Variants in CUL4B observed in about 807,000 individuals in gnomAD.
The protein encoded by CUL4B is cullin-4B.
A neutral mutation model predicts 69.2 loss-of-function variants in CUL4B; 1 was observed. That is an observed-to-expected ratio of 0.01 (90% CI 0.01 to 0.07). The LOEUF is 0.07. CUL4B is among the 10% of genes least tolerant of loss of function. The pLI is 1.00. For missense variants in CUL4B, 328 were observed against 638.8 expected (o/e 0.51, Z 5.24); for synonymous variants, 237 against 223.2 (o/e 1.06, Z -0.55).
upstream of CUL4B, chrX:120,561,050 G>A (rs1925270907): frequency 5.1e-6 from 5 of 985,835 alleles, no homozygotes; most frequent in South Asian, 2.9e-5. Context: ...GAAAGAACCA[G>A]GGCTTGTTAT....
intron 4 of CUL4B, 140 bp downstream of exon 4, chrX:120,546,407 A>G: frequency 2.3e-6 from 1 of 434,152 alleles, no homozygotes; most frequent in South Asian, 4.3e-5. Flanking sequence ...TTTTAAAAAA[A>G]GAAAAAAAAA....
At chrX:120,564,964 G>A, upstream of CUL4B, among the ~76,000 whole-genome samples, 1 of 112,240 alleles carries the variant, frequency 8.9e-6, no homozygotes, top group Non-Finnish European at 1.9e-5. Context: ...GTTATTATTG[G>A]CCACCTTTAA....
Position 120,546,100 on chromosome X carries a change from T to TAA in CUL4B, c.846+445_846+446dup, listed in dbSNP as rs1448346672. Among the ~76,000 whole-genome samples, 5 of 111,523 alleles carry TAA rather than the reference T, an allele frequency of 4.5e-5. No homozygotes were observed. In the East Asian group the frequency reaches 1.4e-3, roughly 31 times the overall value. ...ATGAATGAGATAAATACATTTTTGG[T>TAA]AAGTGTGACAAAAATAAAAATGAAC... On this transcript the variant is annotated intron_variant, in intron 4 of 19. Coordinates refer to ENST00000371322, the MANE Select transcript of CUL4B (RefSeq NM_001079872.2).
intron 2 of CUL4B, among the ~76,000 whole-genome samples, chrX:120,547,990 T>G (rs1011540926): frequency 3.6e-5 from 4 of 110,742 alleles, no homozygotes; most frequent in Middle Eastern, 4.3e-3. Context: ...TGGGACCTTG[T>G]GATCGTGTAA....
At chrX:120,570,333 G>A (rs377105937), downstream of CUL4B, among the ~76,000 whole-genome samples, 60 of 112,257 alleles carry the variant, frequency 5.3e-4, no homozygotes, top group East Asian at 8.0e-3. Context: ...CTACAGCAGG[G>A]TTTGGAAACC....
chrX:120,530,124 T>C lies in CUL4B; in HGVS notation c.2570A>G (p.Asn857Ser), dbSNP rs1156304104. 2.5e-6 allele frequency: 3 copies of C among 1,210,719 alleles called. No individual in the cohort carries two copies. Among genetic ancestry groups the C allele is most frequent in the Non-Finnish European group, 3.4e-6 (3 of 894,672 alleles). Residue 857 changes from asparagine (N) to serine (S), a missense_variant, in exon 19 of 20, where the codon AAC becomes AGC. This residue lies in a region of CUL4B where 98 missense variants were observed against 296.8 expected (regional missense o/e 0.33). Coordinates refer to ENST00000371322, the MANE Select transcript of CUL4B (RefSeq NM_001079872.2). ...TACCTTTACTGGAAATTTCAACTGG[T>C]TGTACACTTCTGAAACAAGGAGATT... ...SHNLLVSEVY[N>S]QLKFPVKPAD...
At chrX:120,566,346 TATATATA>T (rs1925519839), upstream of CUL4B, among the ~76,000 whole-genome samples, 1 of 6,514 alleles carries the variant, frequency 1.5e-4, no homozygotes, top group Non-Finnish European at 5.3e-4. Context: ...TGTGTATAGG[TATATATA>T]TATATATATA....
chrX:120,556,584 A>C (rs1470151258), intron 2 of CUL4B, among the ~76,000 whole-genome samples: 1 of 110,707 alleles, frequency 9.0e-6, no homozygotes, highest in Non-Finnish European at 1.9e-5. Flanking sequence ...TCATGCCTGT[A>C]ATCTCAGCAC....
At position 120,536,895 on chromosome X, in the gene CUL4B, C is replaced by T. The variant is rs374402463; in HGVS notation, c.2046+32G>A. ...AAATGGAAATGCTATGATTTCTATGCCTATAACTCAGTTCTAAACAGTAAC... is the reference window on the plus strand; with the variant it reads ...AAATGGAAATGCTATGATTTCTATGTCTATAACTCAGTTCTAAACAGTAAC... On this transcript the variant is annotated intron_variant, in intron 15 of 19. Transcript: ENST00000371322. The T allele has an allele frequency of 3.4e-5, 33 of 959,695 alleles. No homozygotes were observed. In the African/African-American group the frequency reaches 6.1e-4, roughly 18 times the overall value. The allele number at this position is 959,695 out of a possible 1,213,427, so 79.1% of individuals were successfully genotyped here.
intron 2 of CUL4B, among the ~76,000 whole-genome samples, chrX:120,553,583 C>T (rs1203693397): frequency 4.5e-5 from 5 of 111,393 alleles, no homozygotes; most frequent in Non-Finnish European, 7.5e-5. Flanking sequence ...AAACTTCCAG[C>T]ATCTCCAAAA....
rs1428257341 is a variant in CUL4B at position 120,538,507 on chromosome X, A to G, written c.1852+153T>C. On this transcript the variant is annotated intron_variant, in intron 13 of 19. Transcript: ENST00000371322. ...AAAACAACTCTGGATATTATGTACAATAAGTTGGAAACCTCAGGAGCTTGC... is the reference window on the plus strand; with the variant it reads ...AAAACAACTCTGGATATTATGTACAGTAAGTTGGAAACCTCAGGAGCTTGC... 11 of 463,631 alleles carry G rather than the reference A, an allele frequency of 2.4e-5. 1 individual carries two copies. Among genetic ancestry groups the G allele is most frequent in the South Asian group, 3.4e-5 (1 of 29,631 alleles). The allele number at this position is 463,631 out of a possible 1,213,427, so 38.2% of individuals were successfully genotyped here.
rs1925225348 is a variant in CUL4B, at chrX:120,560,528, C to T, written c.111G>A (p.Lys37=). The change falls in exon 1 of 20, where the codon AAG becomes AAA. Residue 37 remains lysine (K), a synonymous_variant. Transcript: ENST00000371322. ...NTSTTPPTSA[K]KRKLNSSSSS... The stretch of plus-strand genomic sequence containing the variant: ...TGCTGCTGCTGTTTAACTTTCTCTT[C>T]TTGGCAGAGGTGGGCGGAGTGGTGC... 1 of 1,209,762 alleles carries T rather than the reference C, an allele frequency of 8.3e-7. No individual in the cohort carries two copies. Among genetic ancestry groups the T allele is most frequent in the East Asian group, 3.0e-5 (1 of 33,800 alleles).
chrX:120,532,651 C>G, intron 17 of CUL4B, 57 bp from the exon 18 acceptor site: 1 of 983,252 alleles, frequency 1.0e-6, no homozygotes, highest in South Asian at 1.9e-5. Context: ...CTACGACATT[C>G]TACCTCAATC....
intron 9 of CUL4B, 35 bp from the exon 10 acceptor site, chrX:120,541,755 T>G (rs373993537): frequency 4.1e-5 from 36 of 879,110 alleles, no homozygotes; most frequent in Non-Finnish European, 5.9e-5. Context: ...TAAAATATAG[T>G]GAACAAAAAA....
intron 3 of CUL4B, 76 bp downstream of exon 3, chrX:120,547,060 G>T: frequency 1.5e-6 from 1 of 662,557 alleles, no homozygotes; most frequent in Non-Finnish European, 2.5e-6. Context: ...TCTACTTCAA[G>T]CTGGGTTAAA....
intron 2 of CUL4B, among the ~76,000 whole-genome samples, chrX:120,573,244 G>A (rs913923010): frequency 6.3e-5 from 7 of 110,360 alleles, no homozygotes; most frequent in East Asian, 5.7e-4. Context: ...TGCTTTTTTC[G>A]CTTAATATAT....
In CUL4B at chrX:120,541,646, C is replaced by A; in HGVS notation, c.1399G>T (p.Gly467Cys). 8.3e-7 allele frequency: 1 copy of A among 1,209,286 alleles called. No individual in the cohort carries two copies. The change falls in exon 10 of 20, where the codon GGT becomes TGT. Residue 467 changes from glycine (G) to cysteine (C), a missense_variant. Around this residue, in one of 4 missense-constraint regions of CUL4B, gnomAD observed 126 missense variants for 202.5 expected, o/e 0.62. Transcript: ENST00000371322. ...TGCTGCAAAAGAACCTGAACTCCACCTCGAACTCTACTGAAGAGCTGATAC... is the reference window on the plus strand; with the variant it reads ...TGCTGCAAAAGAACCTGAACTCCACATCGAACTCTACTGAAGAGCTGATAC... ...LLYQLFSRVR[G>C]GVQVLLQQWI...
intron 19 of CUL4B, among the ~76,000 whole-genome samples, chrX:120,527,436 G>A (rs1253258396): frequency 9.1e-6 from 1 of 110,101 alleles, no homozygotes; most frequent in Non-Finnish European, 1.9e-5. Context: ...TTAATAGACA[G>A]GGTCTTGCTA....
intron 18 of CUL4B, among the ~76,000 whole-genome samples, chrX:120,531,349 T>C (rs1206145193): frequency 9.2e-6 from 1 of 109,266 alleles, no homozygotes; most frequent in African/African-American, 3.3e-5. Context: ...TTTTCAAATA[T>C]TGCATTAAAC....
Sources: allele counts gnomAD v4.1 joint callset (sites outside exome capture counted in the v4.1 genomes callset), GRCh38; gene constraint gnomAD v4.1.1; regional missense constraint gnomAD v4.1.1; transcripts MANE v1.5; gene names NCBI Gene and HGNC (gene_info 2026-07-23, HGNC 2026-07-21).